The following PLXDC2 variants were observed in gnomAD, a reference collection of about 807,000 sequenced individuals.
The protein encoded by PLXDC2 is plexin domain-containing protein 2.
PLXDC2 carries 40 observed loss-of-function variants against 68.9 expected under a neutral mutation model. The observed-to-expected ratio is 0.58, with a 90% CI of 0.45 to 0.76. PLXDC2 has a LOEUF of 0.76. PLXDC2 is among the 30% of genes least tolerant of loss of function. The pLI, the probability that PLXDC2 is intolerant of heterozygous loss-of-function variation, is 0.00. For synonymous variants in PLXDC2, 243 were observed against 234.2 expected, an observed-to-expected ratio of 1.04 and a Z score of -0.34; for missense variants, 644 against 661.9, an observed-to-expected ratio of 0.97 and a Z score of 0.30.
At chr10:20,068,723 G>T (rs1439161342) in intron 4 of PLXDC2, among the ~76,000 whole-genome samples, 5 of 150,584 alleles carry the variant, frequency 3.3e-5, no homozygotes, top group African/African-American at 1.2e-4. Flanking sequence ...TTTTCCTTGA[G>T]TGTTACCTAT....
intron 9 of PLXDC2, among the ~76,000 whole-genome samples, chr10:20,191,112 T>G (rs1326842276): frequency 6.6e-6 from 1 of 152,008 alleles, no homozygotes; most frequent in Non-Finnish European, 1.5e-5. Context: ...TGTATTATTT[T>G]AAGCCAATGT....
chr10:19,862,954 A>G (rs1436156614), intron 1 of PLXDC2, among the ~76,000 whole-genome samples: 2 of 152,178 alleles, frequency 1.3e-5, no homozygotes, highest in African/African-American at 2.4e-5. Context: ...AGAGCTTCGT[A>G]TAATACATGG....
intron 1 of PLXDC2, among the ~76,000 whole-genome samples, chr10:19,955,520 G>A (rs1834055885): frequency 6.6e-6 from 1 of 152,114 alleles, no homozygotes; most frequent in African/African-American, 2.4e-5. Context: ...TCCAAGGGCT[G>A]CCTTCATTCA....
chr10:20,010,306 C>T (rs1447060565), intron 2 of PLXDC2, among the ~76,000 whole-genome samples: 1 of 152,156 alleles, frequency 6.6e-6, no homozygotes, highest in Non-Finnish European at 1.5e-5. Context: ...GGATTTTAAA[C>T]TTCTGATTTT....
chr10:20,176,979 T>A lies in PLXDC2; in HGVS notation c.884-20T>A. The A allele has an allele frequency of 6.5e-7, 1 of 1,547,014 alleles. No homozygotes were observed. On this transcript the variant is annotated intron_variant, in intron 7 of 13. Coordinates refer to ENST00000377252, the MANE Select transcript of PLXDC2 (RefSeq NM_032812.9). ...AGCGAGGAAAGGTTAAAAATTGATT[T>A]TTTTTCCTTTTTTTTCTAGATGTTC...
chr10:20,225,231 C>A (rs2131871920), intron 12 of PLXDC2, among the ~76,000 whole-genome samples: 1 of 152,242 alleles, frequency 6.6e-6, no homozygotes, highest in African/African-American at 2.4e-5. Context: ...TCCTGGAATA[C>A]TTCTAAGCTT....
chr10:19,840,348 C>G (rs764805375), intron 1 of PLXDC2, among the ~76,000 whole-genome samples: 15 of 152,100 alleles, frequency 9.9e-5, no homozygotes, highest in Non-Finnish European at 2.1e-4. Context: ...GATTACAAAA[C>G]TTTCCTAGAT....
intron 4 of PLXDC2, among the ~76,000 whole-genome samples, chr10:20,073,873 T>C (rs1246224885): frequency 1.3e-5 from 2 of 152,098 alleles, no homozygotes; most frequent in Non-Finnish European, 2.9e-5. Flanking sequence ...AAAATGTAGA[T>C]TTAAGTTTGA....
chr10:20,246,418 C>T (rs1311005232), intron 13 of PLXDC2, among the ~76,000 whole-genome samples: 2 of 152,186 alleles, frequency 1.3e-5, no homozygotes, highest in Admixed American at 6.5e-5. Flanking sequence ...GGTGCGATCT[C>T]GGCTCACTGC....
chr10:20,150,506 C>T (rs1834138701), intron 6 of PLXDC2, among the ~76,000 whole-genome samples: 1 of 152,098 alleles, frequency 6.6e-6, no homozygotes, highest in Non-Finnish European at 1.5e-5. Context: ...ATTTTTATGT[C>T]ACACTCCCTG....
intron 1 of PLXDC2, among the ~76,000 whole-genome samples, chr10:19,851,518 T>G (rs968869043): frequency 6.6e-6 from 1 of 152,138 alleles, no homozygotes; most frequent in Non-Finnish European, 1.5e-5. Flanking sequence ...TAACCCACAC[T>G]TTCCTTCAGC....
intron 2 of PLXDC2, among the ~76,000 whole-genome samples, chr10:20,018,884 C>A (rs1047657587): frequency 2.6e-5 from 4 of 151,990 alleles, no homozygotes; most frequent in African/African-American, 9.7e-5. Flanking sequence ...CATATGAACA[C>A]CACATATGTG....
At chr10:20,082,061 A>C (rs1462705477) in intron 4 of PLXDC2, among the ~76,000 whole-genome samples, 3 of 133,904 alleles carry the variant, frequency 2.2e-5, no homozygotes, top group Non-Finnish European at 3.2e-5. Flanking sequence ...AAAAAAAAAA[A>C]ATCAAAAAAA....
chr10:20,147,854 C>T lies in PLXDC2; in HGVS notation c.735C>T (p.Phe245=), dbSNP rs754886258. The T allele has an allele frequency of 6.2e-7, 1 of 1,613,204 alleles. No individual in the cohort carries two copies. The highest frequency in any genetic ancestry group is 8.5e-7 in the Non-Finnish European group (1 of 1,179,210). ...ATTATAACCTGGGAAGCTTCACATT[C>T]CAGGCAACCCTGCTCATGGATGGAC... is the stretch of plus-strand genomic sequence containing the variant. ...QDNYNLGSFT[F]QATLLMDGRI... is the part of the protein sequence containing the mutation. The change falls in exon 6 of 14, where the codon TTC becomes TTT. Residue 245 remains phenylalanine, a synonymous_variant. Coordinates refer to ENST00000377252, the MANE Select transcript of PLXDC2 (RefSeq NM_032812.9).
At chr10:19,931,858 TAAA>T (rs954841473) in intron 1 of PLXDC2, among the ~76,000 whole-genome samples, 4 of 152,040 alleles carry the variant, frequency 2.6e-5, no homozygotes, top group Admixed American at 6.6e-5. Context: ...CATGGTCACA[TAAA>T]AAATATTATT....
At chr10:20,135,015 T>C (rs1372748551) in intron 4 of PLXDC2, among the ~76,000 whole-genome samples, 1 of 152,210 alleles carries the variant, frequency 6.6e-6, no homozygotes, top group African/African-American at 2.4e-5. Context: ...ACCTATCTTC[T>C]TCAATTTGTC....
chr10:20,007,640 C>T (rs1835048305), intron 2 of PLXDC2, among the ~76,000 whole-genome samples: 1 of 152,198 alleles, frequency 6.6e-6, no homozygotes, highest in Admixed American at 6.5e-5. Context: ...AGGCCAATGC[C>T]TCTGAAACTT....
chr10:20,171,566 C>A (rs1295161316), intron 7 of PLXDC2, among the ~76,000 whole-genome samples: 2 of 152,062 alleles, frequency 1.3e-5, no homozygotes, highest in Non-Finnish European at 2.9e-5. Context: ...GCATCCATTT[C>A]TAATGTAAGC....
At chr10:20,175,996 A>C (rs1186247829) in intron 7 of PLXDC2, among the ~76,000 whole-genome samples, 1 of 152,130 alleles carries the variant, frequency 6.6e-6, no homozygotes, top group East Asian at 1.9e-4. Context: ...TATAAGGCTT[A>C]AAAGGGGATT....
Sources: allele counts gnomAD v4.1 joint callset (sites outside exome capture counted in the v4.1 genomes callset), GRCh38; gene constraint gnomAD v4.1.1; transcripts MANE v1.5; gene names NCBI Gene and HGNC (gene_info 2026-07-23, HGNC 2026-07-21).